The following EPB41L2 variants were observed in gnomAD, a reference collection of about 807,000 sequenced individuals.
EPB41L2 encodes band 4.1-like protein 2.
EPB41L2 carries 43 observed loss-of-function variants against 113.0 expected under a neutral mutation model. That is an observed-to-expected ratio of 0.38 (90% CI 0.30 to 0.49). EPB41L2 has a LOEUF of 0.49. EPB41L2 is among the 20% of genes least tolerant of loss of function. EPB41L2 has a pLI of 0.95. For missense variants in EPB41L2, 1,147 were observed against 1,223.4 expected, an observed-to-expected ratio of 0.94 and a Z score of 0.93; for synonymous variants, 442 against 436.7, an observed-to-expected ratio of 1.01 and a Z score of -0.15.
At chr6:130,981,176 C>A (rs1471952252) in intron 1 of EPB41L2, among the ~76,000 whole-genome samples, 1 of 152,116 alleles carries the variant, frequency 6.6e-6, no homozygotes. Context: ...GTTTTAAACT[C>A]TTCTTACATA....
chr6:131,004,289 C>T (rs1784979495), intron 1 of EPB41L2, among the ~76,000 whole-genome samples: 1 of 152,002 alleles, frequency 6.6e-6, no homozygotes, highest in African/African-American at 2.4e-5. Flanking sequence ...CAGGGAATGA[C>T]AAAAGTGAAC....
At chr6:130,988,926 T>C (rs541648507) in intron 1 of EPB41L2, among the ~76,000 whole-genome samples, 2 of 152,150 alleles carry the variant, frequency 1.3e-5, no homozygotes, top group Non-Finnish European at 1.5e-5. Context: ...CTATCTCTAC[T>C]AAAAATCCAA....
chr6:131,039,108 T>G lies in EPB41L2; in HGVS notation c.-15+24047A>C, dbSNP rs75601271. 8.1e-3 allele frequency among the ~76,000 whole-genome samples: 1,231 copies of G among 152,336 alleles called. 14 individuals are homozygous for G. Among genetic ancestry groups the G allele is most frequent in the African/African-American group, 0.028 (1,163 of 41,580 alleles). On this transcript the variant is annotated intron_variant, in intron 1 of 19. Coordinates refer to ENST00000337057, the MANE Select transcript of EPB41L2 (RefSeq NM_001431.4). ...TTTAAACTCTCGATGAAACCTCATC[T>G]GTTTACCCAAACCAGAGGAAATAAA...
Position 130,972,937 on chromosome 6 carries a change from C to CAAAAAAAAAAAAAAAAAAAAAAAAAAA in EPB41L2, c.-14-16439_-14-16438insTTTTTTTTTTTTTTTTTTTTTTTTTTT, listed in dbSNP as rs57293132. On this transcript the variant is annotated intron_variant, in intron 1 of 19. Coordinates refer to ENST00000337057, the MANE Select transcript of EPB41L2 (RefSeq NM_001431.4). ...TGAAACCCCATCTCTACTAAAGATA[C>CAAAAAAAAAAAAAAAAAAAAAAAAAAA]AAAAAAAAAAAAAAAAAAAAAAAAA... 8.4e-5 allele frequency among the ~76,000 whole-genome samples: 5 copies of CAAAAAAAAAAAAAAAAAAAAAAAAAAA among 59,528 alleles called. 1 individual carries two copies. The highest frequency in any genetic ancestry group is 5.9e-4 in the East Asian group (1 of 1,704). 39.1% of individuals were successfully genotyped at this position (59,528 alleles called of 152,430 possible).
intron 15 of EPB41L2, among the ~76,000 whole-genome samples, chr6:130,869,175 A>T (rs1784846769): frequency 6.6e-6 from 1 of 152,196 alleles, no homozygotes. Context: ...TTTTTTTTCA[A>T]CATTACATAT....
At chr6:130,944,261 C>T (rs1812009695) in intron 3 of EPB41L2, among the ~76,000 whole-genome samples, 1 of 150,884 alleles carries the variant, frequency 6.6e-6, no homozygotes, top group African/African-American at 2.4e-5. Flanking sequence ...GACTTAGGAA[C>T]ATAAATAAAC....
At chr6:130,867,061 G>C (rs1446535799) in intron 16 of EPB41L2, among the ~76,000 whole-genome samples, 1 of 152,130 alleles carries the variant, frequency 6.6e-6, no homozygotes, top group East Asian at 1.9e-4. Flanking sequence ...AGGGAAAGAA[G>C]CCTAAATCAC....
intron 10 of EPB41L2, among the ~76,000 whole-genome samples, chr6:130,892,393 C>A (rs1171798483): frequency 1.3e-5 from 1 of 79,140 alleles, no homozygotes; most frequent in Admixed American, 1.4e-4. Context: ...CATTTCTGAA[C>A]AGATTATTGC....
intron 8 of EPB41L2, among the ~76,000 whole-genome samples, chr6:130,897,475 T>TTG (rs1375871311): frequency 6.6e-6 from 1 of 152,164 alleles, no homozygotes; most frequent in Non-Finnish European, 1.5e-5. Flanking sequence ...GAGTCCACAA[T>TTG]TTCTTACTTT....
chr6:130,898,019 TA>T (rs1211858985), intron 8 of EPB41L2, among the ~76,000 whole-genome samples: 90 of 137,300 alleles, frequency 6.6e-4, no homozygotes, highest in Admixed American at 9.6e-4. Flanking sequence ...AATAGTAAGT[TA>T]AAAAAAAAAA....
At chr6:131,023,698 G>GA (rs1280337134) in intron 1 of EPB41L2, among the ~76,000 whole-genome samples, 6 of 140,526 alleles carry the variant, frequency 4.3e-5, no homozygotes, top group East Asian at 4.0e-4. Context: ...AACAGAAGAA[G>GA]AAAAAAAAAT....
At chr6:131,009,252 C>G (rs182235729) in intron 1 of EPB41L2, among the ~76,000 whole-genome samples, 1 of 152,124 alleles carries the variant, frequency 6.6e-6, no homozygotes, top group Non-Finnish European at 1.5e-5. Flanking sequence ...CCCCTTCAGT[C>G]GGCACTCATT....
chr6:130,885,070 C>A, intron 12 of EPB41L2, 26 bp downstream of exon 12: 1 of 1,612,870 alleles, frequency 6.2e-7, no homozygotes, highest in Non-Finnish European at 8.5e-7. Flanking sequence ...ATGTTTAAAA[C>A]CACATACTGT....
intron 14 of EPB41L2, among the ~76,000 whole-genome samples, chr6:130,870,600 T>C (rs1003413391): frequency 6.6e-6 from 1 of 152,228 alleles, no homozygotes; most frequent in Non-Finnish European, 1.5e-5. Context: ...AAAATGCTTT[T>C]ATTATAGATA....
chr6:131,036,602 C>T (rs748466900), intron 1 of EPB41L2, among the ~76,000 whole-genome samples: 1 of 152,154 alleles, frequency 6.6e-6, no homozygotes, highest in Non-Finnish European at 1.5e-5. Context: ...TAATTAGAAG[C>T]ATTAGCTTAG....
At chr6:130,897,054 C>G (rs1018268072) in intron 8 of EPB41L2, among the ~76,000 whole-genome samples, 3 of 152,106 alleles carry the variant, frequency 2.0e-5, no homozygotes, top group African/African-American at 7.2e-5. Context: ...ACTCTGCCCT[C>G]CCTCCTTCAG....
chr6:130,992,909 C>T (rs76053049), intron 1 of EPB41L2, among the ~76,000 whole-genome samples: 1 of 152,174 alleles, frequency 6.6e-6, no homozygotes, highest in East Asian at 1.9e-4. Context: ...CAGGCATGAG[C>T]CACCGCACCC....
chr6:131,052,792 C>CA (rs1392797926), intron 1 of EPB41L2, among the ~76,000 whole-genome samples: 1 of 152,140 alleles, frequency 6.6e-6, no homozygotes, highest in Non-Finnish European at 1.5e-5. Context: ...AAGCAGACCT[C>CA]AGCAAGGTGG....
chr6:130,891,098 T>G (rs1792679575), intron 10 of EPB41L2, among the ~76,000 whole-genome samples: 2 of 152,228 alleles, frequency 1.3e-5, no homozygotes, highest in Admixed American at 1.3e-4. Flanking sequence ...GGAGTTCAAC[T>G]GAAATTATTT....
Sources: allele counts gnomAD v4.1 joint callset (sites outside exome capture counted in the v4.1 genomes callset), GRCh38; gene constraint gnomAD v4.1.1; transcripts MANE v1.5; gene names NCBI Gene and HGNC (gene_info 2026-07-23, HGNC 2026-07-21).